The following PRDM16 variants were observed in gnomAD, a reference collection of about 807,000 sequenced individuals.
PRDM16 encodes the protein histone-lysine N-methyltransferase PRDM16.
Under a neutral mutation model 110.6 loss-of-function variants are expected in PRDM16, and 23 were observed. That is an observed-to-expected ratio of 0.21 (90% CI 0.15 to 0.29). The LOEUF (loss-of-function observed/expected upper bound fraction) is 0.29. Among genes scored for constraint, PRDM16 ranks in the 10% least tolerant of loss-of-function variants. PRDM16 has a pLI of 1.00. For synonymous variants in PRDM16, 799 were observed against 781.8 expected (o/e 1.02, Z -0.37); for missense variants, 1,615 against 1,794.3 (o/e 0.90, Z 1.81).
intron 3 of PRDM16, among the ~76,000 whole-genome samples, chr1:3,362,318 C>G (rs1014493601): frequency 7.4e-6 from 1 of 134,566 alleles, no homozygotes; most frequent in Non-Finnish European, 1.6e-5. Context: ...TATGCTTGTC[C>G]ACCCTCTGCA....
chr1:3,157,127 G>A lies in PRDM16; in HGVS notation c.38-28998G>A, dbSNP rs559080898. On this transcript the variant is annotated intron_variant, in intron 1 of 16. Coordinates refer to ENST00000270722, the MANE Select transcript of PRDM16 (RefSeq NM_022114.4). This position sits in a 1 kb window ranked among gnomAD's most constrained non-coding sequence, Gnocchi z 4.8. ...GGTGGTCCCAGGGCAGGGAGTGTTA[G>A]CACCTGCCGGGCTCAGCCTGGGCGG... Among the ~76,000 whole-genome samples the A allele has an allele frequency of 7.9e-5, 12 of 152,312 alleles. 1 individual carries two copies. In the South Asian group the frequency reaches 2.5e-3, roughly 32 times the overall value.
At chr1:3,233,884 G>GT (rs200786016) in intron 2 of PRDM16, among the ~76,000 whole-genome samples, 67 of 146,178 alleles carry the variant, frequency 4.6e-4, no homozygotes, top group African/African-American at 1.7e-3. Flanking sequence ...AAGTGTTGGG[G>GT]TTTTTTTAAA....
intron 3 of PRDM16, among the ~76,000 whole-genome samples, chr1:3,380,496 G>A (rs565988316): frequency 6.6e-5 from 10 of 152,122 alleles, no homozygotes; most frequent in Non-Finnish European, 1.0e-4. Context: ...GACCCCACCC[G>A]CAGGGCAGCA....
At chr1:3,158,914 C>T (rs533144347) in intron 1 of PRDM16, among the ~76,000 whole-genome samples, 3 of 152,106 alleles carry the variant, frequency 2.0e-5, no homozygotes, top group East Asian at 1.9e-4. Context: ...AGCTGGAAGG[C>T]GCCTGCCACC....
At chr1:3,349,979 T>TGGAGGA (rs3036532) in intron 3 of PRDM16, among the ~76,000 whole-genome samples, 116,689 of 151,266 alleles carry the variant, frequency 0.77, 45,514 homozygotes, top group Admixed American at 0.84. Flanking sequence ...TCCTGAGCCC[T>TGGAGGA]GGAGGAGACA....
At chr1:3,411,314 A>T in intron 8 of PRDM16, 70 bp from the exon 9 acceptor site, 1 of 1,512,748 alleles carries the variant, frequency 6.6e-7, no homozygotes, top group Non-Finnish European at 9.0e-7. Flanking sequence ...CAGTAATTTC[A>T]TGTGGCGTTT....
At chr1:3,160,193 G>A (rs1366981755) in intron 1 of PRDM16, among the ~76,000 whole-genome samples, 1 of 152,220 alleles carries the variant, frequency 6.6e-6, no homozygotes, top group Non-Finnish European at 1.5e-5. Context: ...CAGCCCCTGG[G>A]GATCCCCGGT....
intron 2 of PRDM16, among the ~76,000 whole-genome samples, chr1:3,211,888 G>A (rs766596079): frequency 6.6e-6 from 1 of 152,248 alleles, no homozygotes; most frequent in African/African-American, 2.4e-5. Context: ...GTGGGAGCGG[G>A]TGTGTATCCG....
chr1:3,394,993 T>C (rs1386142502), intron 4 of PRDM16, among the ~76,000 whole-genome samples: 1 of 152,214 alleles, frequency 6.6e-6, no homozygotes, highest in African/African-American at 2.4e-5. Context: ...ATAAGGGAAC[T>C]TCACACACTA....
chr1:3,186,050 C>G, intron 1 of PRDM16, 75 bp from the exon 2 acceptor site: 1 of 1,289,170 alleles, frequency 7.8e-7, no homozygotes. Flanking sequence ...ATGCCCGAGT[C>G]CCCGGCGCTC....
chr1:3,397,744 G>A (rs1339877101), intron 5 of PRDM16, among the ~76,000 whole-genome samples: 6 of 152,224 alleles, frequency 3.9e-5, no homozygotes, highest in African/African-American at 1.4e-4. Context: ...CCAAGGCTTA[G>A]TGATTAATGC....
rs1234272261 is a variant in PRDM16 at position 3,358,827 on chromosome 1, G to A, written c.439-26325G>A. On this transcript the variant is annotated intron_variant, in intron 3 of 16. Transcript: ENST00000270722. The surrounding 1 kb of genome is among the most constrained non-coding windows in gnomAD (Gnocchi z 4.0). ...TGTGATGATTCCTGCCGGGGAGGAG[G>A]GAGCTCATTCCAAACTCAAGCCATT... Among the ~76,000 whole-genome samples, 3 of 152,188 alleles carry A rather than the reference G, an allele frequency of 2.0e-5. No individual in the cohort carries two copies. Among genetic ancestry groups the A allele is most frequent in the Non-Finnish European group, 1.5e-5 (1 of 68,042 alleles).
chr1:3,368,745 G>T (rs1040750731), intron 3 of PRDM16, among the ~76,000 whole-genome samples: 1 of 152,082 alleles, frequency 6.6e-6, no homozygotes, highest in East Asian at 1.9e-4. Context: ...ATCAATAGAG[G>T]CAGATCTGCC....
intron 3 of PRDM16, among the ~76,000 whole-genome samples, chr1:3,297,679 T>C (rs1341737826): frequency 6.6e-6 from 1 of 152,070 alleles, no homozygotes; most frequent in Non-Finnish European, 1.5e-5. Flanking sequence ...ATGAGGCTCC[T>C]GGCATCAAAA....
At chr1:3,196,445 G>T (rs1015310403) in intron 2 of PRDM16, among the ~76,000 whole-genome samples, 1 of 152,244 alleles carries the variant, frequency 6.6e-6, no homozygotes, top group Non-Finnish European at 1.5e-5. Context: ...TTTGAAAGCA[G>T]GTCCCAAATG....
Position 3,267,963 on chromosome 1 carries a change from CAG to C in PRDM16, c.438+23827_438+23828del, listed in dbSNP as rs149562771. Among the ~76,000 whole-genome samples the C allele has an allele frequency of 9.1e-3, 1,382 of 152,344 alleles. 8 individuals carry two copies. Among genetic ancestry groups the C allele is most frequent in the Non-Finnish European group, 0.016 (1,061 of 68,022 alleles). On this transcript the variant is annotated intron_variant, in intron 3 of 16. Coordinates refer to ENST00000270722, the MANE Select transcript of PRDM16 (RefSeq NM_022114.4). The stretch of plus-strand genomic sequence containing the variant: ...CCCTGTTGTTTTGGCTTTGTTGTGA[CAG>C]GGGGTGGATCTGCCTGCCGTTCGCA...
intron 10 of PRDM16, among the ~76,000 whole-genome samples, chr1:3,416,001 C>T (rs1299386847): frequency 6.6e-6 from 1 of 152,222 alleles, no homozygotes; most frequent in Non-Finnish European, 1.5e-5. Flanking sequence ...ATCTGCCCAT[C>T]GCTCATCACT....
At position 3,339,661 on chromosome 1, in the gene PRDM16, T is replaced by C. The variant is rs1642232182; in HGVS notation, c.439-45491T>C. ...AGGTGACAGTCCTACTGCGGACCCCTGGCTGCATTGTGTGTGTGGTGGGGG... is the reference window on the plus strand; with the variant it reads ...AGGTGACAGTCCTACTGCGGACCCCCGGCTGCATTGTGTGTGTGGTGGGGG... On this transcript the variant is annotated intron_variant, in intron 3 of 16. Transcript: ENST00000270722. The surrounding 1 kb of genome is among the most constrained non-coding windows in gnomAD (Gnocchi z 5.0). Among the ~76,000 whole-genome samples the C allele has an allele frequency of 6.6e-6, 1 of 152,168 alleles. No homozygotes were observed. Among genetic ancestry groups the C allele is most frequent in the South Asian group, 2.1e-4 (1 of 4,824 alleles).
chr1:3,348,946 A>G (rs1642420421), intron 3 of PRDM16, among the ~76,000 whole-genome samples: 1 of 152,132 alleles, frequency 6.6e-6, no homozygotes, highest in Non-Finnish European at 1.5e-5. Flanking sequence ...TTTGAGAGGC[A>G]TTAAGAGAAG....
Sources: gnomAD v4.1 joint callset for allele counts (sites outside exome capture counted in the v4.1 genomes callset) on GRCh38, gnomAD v4.1.1 for gene constraint, Gnocchi (gnomAD v3.1) non-coding constraint, MANE v1.5 for transcripts, NCBI Gene and HGNC (gene_info 2026-07-23, HGNC 2026-07-21) for gene names.